MYZAP: variants seen among roughly 807,000 people sequenced by gnomAD.
MYZAP encodes the protein myocardial zonula adherens protein.
A neutral mutation model predicts 69.4 loss-of-function variants in MYZAP; 66 were observed. The ratio of observed to expected loss-of-function variants is 0.95; its 90% CI spans 0.78 to 1.17. MYZAP has a LOEUF of 1.17. Ranked by LOEUF, MYZAP falls within the 50% of genes most tolerant of loss-of-function variation. The pLI is 0.00. For synonymous variants in MYZAP, 256 were observed against 205.9 expected, an observed-to-expected ratio of 1.24 and a Z score of -2.09; for missense variants, 611 against 556.2, an observed-to-expected ratio of 1.10 and a Z score of -0.99.
intron 12 of MYZAP, among the ~76,000 whole-genome samples, chr15:57,676,546 T>C (rs1395407148): frequency 6.6e-6 from 1 of 151,236 alleles, no homozygotes; most frequent in Admixed American, 6.6e-5. Context: ...GAACGATCAA[T>C]TGTGTACAGA....
chr15:57,623,780 T>A (rs2035961668), intron 4 of MYZAP, among the ~76,000 whole-genome samples: 1 of 138,510 alleles, frequency 7.2e-6, no homozygotes, highest in Admixed American at 7.4e-5. Context: ...ATCTCTACAA[T>A]AGAATATATG....
At chr15:57,669,057 A>G (rs2038745609) in intron 11 of MYZAP, among the ~76,000 whole-genome samples, 1 of 151,692 alleles carries the variant, frequency 6.6e-6, no homozygotes, top group Admixed American at 6.6e-5. Flanking sequence ...CGCTCGGCTA[A>G]TTTTTGTATT....
At chr15:57,607,450 G>C (rs2034824756) in intron 2 of MYZAP, among the ~76,000 whole-genome samples, 1 of 151,680 alleles carries the variant, frequency 6.6e-6, no homozygotes, top group Non-Finnish European at 1.5e-5. Flanking sequence ...TTGTCAATAG[G>C]ACCCTCTTTT....
chr15:57,621,768 T>C, intron 4 of MYZAP, 68 bp downstream of exon 4: 1 of 1,475,000 alleles, frequency 6.8e-7, no homozygotes, highest in South Asian at 1.2e-5. Flanking sequence ...CCTCAGTGGC[T>C]AGTGCCTAAA....
chr15:57,617,683 A>T (rs937579750), intron 2 of MYZAP, among the ~76,000 whole-genome samples: 2 of 152,188 alleles, frequency 1.3e-5, no homozygotes, highest in Non-Finnish European at 2.9e-5. Flanking sequence ...AGCTGGGATA[A>T]GGGGAAAGAC....
At position 57,635,279 on chromosome 15, in the gene MYZAP, T is replaced by A. The variant is rs551818103; in HGVS notation, c.933+1538T>A. Among the ~76,000 whole-genome samples, 545 of 152,336 alleles carry A rather than the reference T, an allele frequency of 3.6e-3. 8 individuals carry two copies. The highest frequency in any genetic ancestry group is 0.013 in the African/African-American group (522 of 41,570). The stretch of plus-strand genomic sequence containing the variant: ...AATGAGAAAAATCCACGCCAAGTGC[T>A]AAGCATGGTTCCTCGTATATAGTAA... On this transcript the variant is annotated intron_variant, in intron 8 of 12. Coordinates refer to ENST00000267853, the MANE Select transcript of MYZAP (RefSeq NM_001018100.5).
At chr15:57,632,619 G>A in intron 7 of MYZAP, 60 bp downstream of exon 7, 2 of 1,605,498 alleles carry the variant, frequency 1.2e-6, no homozygotes, top group Non-Finnish European at 1.7e-6. Context: ...ATTATTGTTG[G>A]TGATGTATAC....
intron 6 of MYZAP, 31 bp downstream of exon 6, chr15:57,629,885 A>T: frequency 6.2e-7 from 1 of 1,601,114 alleles, no homozygotes. Context: ...TTTATTTTCT[A>T]TGAACTTTTC....
chr15:57,622,613 T>G (rs2035887186), intron 4 of MYZAP, among the ~76,000 whole-genome samples: 1 of 152,128 alleles, frequency 6.6e-6, no homozygotes, highest in Admixed American at 6.5e-5. Flanking sequence ...ATGATAAATG[T>G]AGCATCTCAA....
chr15:57,636,342 A>G (rs1354070218), intron 8 of MYZAP, among the ~76,000 whole-genome samples: 1 of 152,184 alleles, frequency 6.6e-6, no homozygotes, highest in Non-Finnish European at 1.5e-5. Flanking sequence ...GTTATTTTAA[A>G]TATTTCAGAG....
At chr15:57,676,416 ATATGTGTATATATATATATG>A (rs1431855213) in intron 12 of MYZAP, among the ~76,000 whole-genome samples, 2,304 of 19,022 alleles carry the variant, frequency 0.12, 30 homozygotes, top group African/African-American at 0.17. Flanking sequence ...ATATGTATAT[ATATGTGTATATATATATATG>A]TATATATATA....
intron 1 of MYZAP, among the ~76,000 whole-genome samples, chr15:57,594,870 A>G (rs2033953114): frequency 6.6e-6 from 1 of 152,230 alleles, no homozygotes; most frequent in South Asian, 2.1e-4. Flanking sequence ...TTTCATTGAA[A>G]GTTGTTCAGC....
intron 10 of MYZAP, among the ~76,000 whole-genome samples, chr15:57,650,799 G>A (rs2037687193): frequency 6.6e-6 from 1 of 152,122 alleles, no homozygotes; most frequent in Non-Finnish European, 1.5e-5. Context: ...GGATTGAATG[G>A]GTGGACATGT....
intron 1 of MYZAP, among the ~76,000 whole-genome samples, chr15:57,592,390 C>T (rs1276361743): frequency 6.6e-6 from 1 of 152,158 alleles, no homozygotes; most frequent in East Asian, 1.9e-4. Flanking sequence ...ATTGGCGGCA[C>T]CAGTTTAAAA....
chr15:57,672,737 T>A (rs529761658), intron 11 of MYZAP, among the ~76,000 whole-genome samples: 8 of 152,326 alleles, frequency 5.3e-5, no homozygotes, highest in African/African-American at 1.7e-4. Flanking sequence ...TGTAATGCAA[T>A]AAGGTGCCTT....
intron 11 of MYZAP, among the ~76,000 whole-genome samples, chr15:57,668,894 A>AT (rs869270863): frequency 0.061 from 3,817 of 62,462 alleles, 197 homozygotes; most frequent in African/African-American, 0.14. Flanking sequence ...ATATATATAT[A>AT]TTTTTTTTTT....
chr15:57,643,148 A>G (rs1453150149), intron 10 of MYZAP, among the ~76,000 whole-genome samples: 2 of 152,196 alleles, frequency 1.3e-5, no homozygotes, highest in Non-Finnish European at 2.9e-5. Flanking sequence ...TGCCTCTTAT[A>G]GCCGGAAAAT....
At chr15:57,621,085 T>C (rs1308344169) in intron 3 of MYZAP, among the ~76,000 whole-genome samples, 2 of 148,206 alleles carry the variant, frequency 1.3e-5, no homozygotes, top group Non-Finnish European at 3.0e-5. Context: ...AAATTATATA[T>C]ATATAAATTA....
chr15:57,621,517 C>T (rs2140397142), intron 3 of MYZAP, 91 bp from the exon 4 acceptor site: 1 of 1,471,702 alleles, frequency 6.8e-7, no homozygotes, highest in African/African-American at 1.4e-5. Flanking sequence ...TGGCCGGGGT[C>T]CTTCTTTCTT....
Sources: gnomAD v4.1 joint callset for allele counts (sites outside exome capture counted in the v4.1 genomes callset) on GRCh38, gnomAD v4.1.1 for gene constraint, MANE v1.5 for transcripts, NCBI Gene and HGNC (gene_info 2026-07-23, HGNC 2026-07-21) for gene names.